Variants in EPB41L4B observed in about 807,000 individuals in gnomAD.
EPB41L4B encodes the protein erythrocyte membrane protein band 4.1 like 4B, also known as band 4.1-like protein 4B.
A neutral mutation model predicts 112.5 loss-of-function variants in EPB41L4B; 30 were observed. The observed-to-expected ratio is 0.27, with a 90% confidence interval of 0.20 to 0.36. The LOEUF is 0.36. EPB41L4B is among the 10% of genes least tolerant of loss of function. The pLI, the probability that EPB41L4B is intolerant of heterozygous loss-of-function variation, is 1.00. For synonymous variants in EPB41L4B, 408 were observed against 439.7 expected (o/e 0.93, Z 0.90); for missense variants, 1,024 against 1,133.3 (o/e 0.90, Z 1.38).
intron 22 of EPB41L4B, among the ~76,000 whole-genome samples, chr9:109,189,462 T>C (rs1448521330): frequency 6.6e-6 from 1 of 152,176 alleles, no homozygotes; most frequent in African/African-American, 2.4e-5. Flanking sequence ...GGTGTTAATG[T>C]AATATTCTTT....
At chr9:109,190,467 G>C (rs548775696) in intron 22 of EPB41L4B, among the ~76,000 whole-genome samples, 1 of 152,348 alleles carries the variant, frequency 6.6e-6, no homozygotes, top group African/African-American at 2.4e-5. Flanking sequence ...AGCTCATCCA[G>C]GCTGAGTCTC....
Position 109,185,602 on chromosome 9 carries a change from C to T in EPB41L4B, c.2305G>A (p.Glu769Lys), listed in dbSNP as rs1266768429. 1 of 1,607,196 alleles carries T rather than the reference C, an allele frequency of 6.2e-7. No homozygotes were observed. The highest frequency in any genetic ancestry group is 8.5e-7 in the Non-Finnish European group (1 of 1,176,612). The change falls in exon 23 of 26, where the codon GAG becomes AAG. Residue 769 changes from glutamate (E) to lysine (K), a missense_variant. Coordinates refer to ENST00000374566, the MANE Select transcript of EPB41L4B (RefSeq NM_019114.5). Reference sequence around the variant, plus strand: ...GCACAGTGGGGGTTGCTGGCGGGCTCTGCCTGCTCACGAGGAGAGGAGAGA... The same window carrying T: ...GCACAGTGGGGGTTGCTGGCGGGCTTTGCCTGCTCACGAGGAGAGGAGAGA... Reference protein sequence around the residue: ...MDFTEATPLAEPASNPHCAHS... With the variant: ...MDFTEATPLAKPASNPHCAHS...
At chr9:109,307,079 A>G (rs1382223971) in intron 1 of EPB41L4B, 2 of 188,596 alleles carry the variant, frequency 1.1e-5, no homozygotes, top group Non-Finnish European at 2.2e-5. Flanking sequence ...AGTTCTTGTC[A>G]GTAAATGGAT....
intron 24 of EPB41L4B, among the ~76,000 whole-genome samples, chr9:109,177,032 A>G (rs1831868661): frequency 6.6e-6 from 1 of 152,258 alleles, no homozygotes; most frequent in African/African-American, 2.4e-5. Context: ...CATGCCCAGT[A>G]GTAAACATTC....
chr9:109,298,545 C>A (rs1006412184), intron 1 of EPB41L4B, among the ~76,000 whole-genome samples: 2 of 152,152 alleles, frequency 1.3e-5, no homozygotes, highest in African/African-American at 4.8e-5. Flanking sequence ...AACTCCTGAC[C>A]TTGTGATCCA....
At chr9:109,214,650 G>A (rs1351876590) in intron 16 of EPB41L4B, among the ~76,000 whole-genome samples, 1 of 152,182 alleles carries the variant, frequency 6.6e-6, no homozygotes, top group Admixed American at 6.5e-5. Flanking sequence ...GGAACAGCAG[G>A]TGCAAAGGAC....
chr9:109,249,069 AAAAATAT>A (rs1834677853), intron 13 of EPB41L4B, among the ~76,000 whole-genome samples: 1 of 145,984 alleles, frequency 6.9e-6, no homozygotes, highest in African/African-American at 2.5e-5. Context: ...AAAAAAAAAA[AAAAATAT>A]ATATATATAT....
At chr9:109,186,669 C>T (rs1289403818) in intron 22 of EPB41L4B, among the ~76,000 whole-genome samples, 6 of 152,096 alleles carry the variant, frequency 3.9e-5, no homozygotes, top group East Asian at 3.9e-4. Flanking sequence ...TTTATAGAGG[C>T]GAGGTCCCAC....
intron 13 of EPB41L4B, among the ~76,000 whole-genome samples, chr9:109,250,678 A>T (rs1834752346): frequency 6.6e-6 from 1 of 152,136 alleles, no homozygotes; most frequent in Admixed American, 6.5e-5. Flanking sequence ...ACCCTGAGAG[A>T]CTGATTCAAT....
intron 15 of EPB41L4B, among the ~76,000 whole-genome samples, chr9:109,221,772 C>T (rs1833581353): frequency 6.6e-6 from 1 of 152,144 alleles, no homozygotes; most frequent in South Asian, 2.1e-4. Context: ...AATGAACACC[C>T]AAAGGGAAAG....
intron 18 of EPB41L4B, among the ~76,000 whole-genome samples, chr9:109,204,094 T>C (rs1832918917): frequency 6.6e-6 from 1 of 152,232 alleles, no homozygotes; most frequent in African/African-American, 2.4e-5. Flanking sequence ...ATCAGCTCTA[T>C]GTTCACATAG....
At chr9:109,196,657 G>A (rs1007764106) in intron 20 of EPB41L4B, among the ~76,000 whole-genome samples, 2 of 149,572 alleles carry the variant, frequency 1.3e-5, no homozygotes, top group African/African-American at 5.0e-5. Flanking sequence ...ACCTGAGGCT[G>A]CAGTGGGCTG....
chr9:109,309,785 G>T (rs1837348023), intron 1 of EPB41L4B, among the ~76,000 whole-genome samples: 1 of 151,222 alleles, frequency 6.6e-6, no homozygotes, highest in Non-Finnish European at 1.5e-5. Context: ...GAGAGAGAGA[G>T]AGAGATGGAT....
chr9:109,174,465 T>A lies in EPB41L4B; in HGVS notation c.*89A>T. ...CCTGGGCGAACAGAGCACACACTTG[T>A]ATGCTGTGCTAGAGTGAGCACACAA... On this transcript the variant is annotated 3_prime_UTR_variant, in exon 26 of 26. Coordinates refer to ENST00000374566, the MANE Select transcript of EPB41L4B (RefSeq NM_019114.5). The A allele has an allele frequency of 8.0e-7, 1 of 1,245,230 alleles. No individual in the cohort carries two copies. Among genetic ancestry groups the A allele is most frequent in the Non-Finnish European group, 1.2e-6 (1 of 845,444 alleles). The allele number at this position is 1,245,230 out of a possible 1,614,324, so 77.1% of individuals were successfully genotyped here.
At chr9:109,305,907 G>A (rs749280209) in intron 1 of EPB41L4B, among the ~76,000 whole-genome samples, 8 of 152,152 alleles carry the variant, frequency 5.3e-5, no homozygotes, top group Non-Finnish European at 1.0e-4. Context: ...CTGGGTGGCA[G>A]AGCGAGACTC....
Position 109,244,510 on chromosome 9 carries a change from A to G in EPB41L4B, c.1345-828T>C, listed in dbSNP as rs181974622. Among the ~76,000 whole-genome samples, 9 of 121,996 alleles carry G rather than the reference A, an allele frequency of 7.4e-5. No homozygotes were observed. In the East Asian group the frequency reaches 1.6e-3, roughly 21 times the overall value. The allele number at this position is 121,996 out of a possible 152,430, so 80.0% of individuals were successfully genotyped here. On this transcript the variant is annotated intron_variant, in intron 14 of 25. Transcript: ENST00000374566. Reference sequence around the variant, plus strand: ...ACCCAGGCTGGAGTGCAATGGCAGTATCTTGGCAACCTCTACCTCCTGGGT... The same window carrying G: ...ACCCAGGCTGGAGTGCAATGGCAGTGTCTTGGCAACCTCTACCTCCTGGGT...
At chr9:109,197,990 T>C (rs572903352) in intron 20 of EPB41L4B, among the ~76,000 whole-genome samples, 2 of 152,302 alleles carry the variant, frequency 1.3e-5, no homozygotes, top group Non-Finnish European at 2.9e-5. Flanking sequence ...GTTCTGCCAG[T>C]CTTATCCTCG....
rs1053186778 is a variant in EPB41L4B, at chr9:109,172,387, A to G, written c.*2167T>C. 2 of 152,198 alleles carry G rather than the reference A, an allele frequency of 1.3e-5. No individual in the cohort carries two copies. The highest frequency in any genetic ancestry group is 4.8e-5 in the African/African-American group (2 of 41,440). 9.4% of individuals were successfully genotyped at this position (152,198 alleles called of 1,614,324 possible). A position where few individuals can be genotyped will look rare whatever the true frequency, so the allele number is the denominator to read the frequency against. On this transcript the variant is annotated 3_prime_UTR_variant, in exon 26 of 26. Coordinates refer to ENST00000374566, the MANE Select transcript of EPB41L4B (RefSeq NM_019114.5). ...CATATTGTACGGGAACATATTTTGTATCATGTGCACAAGATAAAGAACAGC... is the reference window on the plus strand; with the variant it reads ...CATATTGTACGGGAACATATTTTGTGTCATGTGCACAAGATAAAGAACAGC...
At chr9:109,189,707 C>A (rs1447517960) in intron 22 of EPB41L4B, among the ~76,000 whole-genome samples, 3 of 152,212 alleles carry the variant, frequency 2.0e-5, no homozygotes, top group Middle Eastern at 3.4e-3. Flanking sequence ...CGGCTCACTG[C>A]AACCTCTGCC....
Sources: allele counts gnomAD v4.1 joint callset (sites outside exome capture counted in the v4.1 genomes callset), GRCh38; gene constraint gnomAD v4.1.1; transcripts MANE v1.5; gene names NCBI Gene and HGNC (gene_info 2026-07-23, HGNC 2026-07-21).